Variants in DHX34 observed in about 807,000 individuals in gnomAD.
DHX34 encodes DExH-box helicase 34.
Under a neutral mutation model 111.1 loss-of-function variants are expected in DHX34, and 96 were observed. The ratio of observed to expected loss-of-function variants is 0.86; its 90% CI spans 0.73 to 1.02. The LOEUF is 1.02. DHX34 is among the 50% of genes least tolerant of loss of function. DHX34 has a pLI of 0.00. For synonymous variants in DHX34, 688 were observed against 670.4 expected, an observed-to-expected ratio of 1.03 and a Z score of -0.41; for missense variants, 1,560 against 1,579.9, an observed-to-expected ratio of 0.99 and a Z score of 0.21.
At chr19:47,355,517 A>T (rs1013670187) in intron 3 of DHX34, among the ~76,000 whole-genome samples, 167 bp downstream of exon 3, 1 of 152,118 alleles carries the variant, frequency 6.6e-6, no homozygotes, top group East Asian at 1.9e-4. Flanking sequence ...AGCTGGTTAG[A>T]GTGCTAAGTG....
chr19:47,354,994 C>T (rs2547391), intron 2 of DHX34, 45 bp from the exon 3 acceptor site: 102,421 of 1,595,832 alleles, frequency 0.064, 4,286 homozygotes, highest in African/African-American at 0.19. Context: ...GGGCTGGTAC[C>T]CAGGCTCAGG....
rs1228030450 is a variant in DHX34 at position 47,355,236 on chromosome 19, G to A, written c.903G>A (p.Thr301=). 13 of 1,614,128 alleles carry A rather than the reference G, an allele frequency of 8.1e-6. No individual in the cohort carries two copies. Among genetic ancestry groups the A allele is most frequent in the Non-Finnish European group, 1.0e-5 (12 of 1,180,022 alleles). ...GCGTCCTCCAGCGCCTGTTGCCCAC[G>A]CGGCCTGACCTCAAGGTCATCCTCA... The part of the protein sequence containing the change: ...LLGVLQRLLP[T]RPDLKVILMS... The change falls in exon 3 of 17, where the codon ACG becomes ACA. Residue 301 remains threonine (T), a synonymous_variant. Transcript: ENST00000328771.
At chr19:47,360,130 G>GC in intron 5 of DHX34, 60 bp downstream of exon 5, 1 of 1,544,386 alleles carries the variant, frequency 6.5e-7, no homozygotes, top group Non-Finnish European at 9.0e-7. Flanking sequence ...ATGGGGTCCG[G>GC]AGGTGTGCGT....
intron 5 of DHX34, among the ~76,000 whole-genome samples, chr19:47,360,923 G>A (rs1172730011): frequency 6.6e-6 from 1 of 151,960 alleles, no homozygotes; most frequent in Non-Finnish European, 1.5e-5. Context: ...GCCTGCCTCA[G>A]CCTCCCAAAG....
In DHX34 at chr19:47,358,011, T is replaced by C. The variant is rs748061566; in HGVS notation, c.1163T>C (p.Met388Thr). 1 of 1,613,772 alleles carries C rather than the reference T, an allele frequency of 6.2e-7. No individual in the cohort carries two copies. Among genetic ancestry groups the C allele is most frequent in the Non-Finnish European group, 8.5e-7 (1 of 1,180,044 alleles). ...GACCTCCTCGTCTTCCTCAGCGGCA[T>C]GGCGGAGATCAGCGCCGTGCTGGAG... The part of the protein sequence containing the change: ...RGDLLVFLSG[M>T]AEISAVLEAA... Residue 388 changes from methionine to threonine, a missense_variant, in exon 4 of 17, where the codon ATG becomes ACG. Coordinates refer to ENST00000328771, the MANE Select transcript of DHX34 (RefSeq NM_014681.6).
intron 16 of DHX34, 166 bp from the exon 17 acceptor site, chr19:47,381,814 G>A: frequency 3.1e-6 from 3 of 965,376 alleles, no homozygotes; most frequent in Non-Finnish European, 3.7e-6. Context: ...AGTAAAGACA[G>A]ACCTGTGTAT....
intron 7 of DHX34, among the ~76,000 whole-genome samples, chr19:47,367,567 G>T (rs1969829574): frequency 6.6e-6 from 1 of 152,140 alleles, no homozygotes; most frequent in African/African-American, 2.4e-5. Flanking sequence ...TAGGAGCCAT[G>T]CAAATACTAG....
rs145111206 is a variant in DHX34, at chr19:47,382,213, C to T, written c.*100C>T. 188 of 1,521,710 alleles carry T rather than the reference C, an allele frequency of 1.2e-4. 1 individual carries two copies. In the East Asian group the frequency reaches 4.3e-3, roughly 35 times the overall value. The allele number at this position is 1,521,710 out of a possible 1,614,324, so 94.3% of individuals were successfully genotyped here. Reference sequence around the variant, plus strand: ...CCTGAACCCCCAGCCTGGGCTTAGCCCTGTGGTCCTGTCCCAGTGCAGAGG... The same window carrying T: ...CCTGAACCCCCAGCCTGGGCTTAGCTCTGTGGTCCTGTCCCAGTGCAGAGG... On this transcript the variant is annotated 3_prime_UTR_variant, in exon 17 of 17. Coordinates refer to ENST00000328771, the MANE Select transcript of DHX34 (RefSeq NM_014681.6).
chr19:47,379,327 C>A (rs564555825), intron 13 of DHX34, among the ~76,000 whole-genome samples: 3 of 152,086 alleles, frequency 2.0e-5, no homozygotes, highest in African/African-American at 7.2e-5. Context: ...TTATGAGCCA[C>A]AGCACTGGTA....
At chr19:47,380,132 C>G in intron 14 of DHX34, 147 bp downstream of exon 14, 1 of 1,359,896 alleles carries the variant, frequency 7.4e-7, no homozygotes, top group Non-Finnish European at 9.8e-7. Context: ...GTCACTTACA[C>G]AAGGTCACTC....
At position 47,362,652 on chromosome 19, in the gene DHX34, C is replaced by G. The variant is rs1969670764; in HGVS notation, c.1552C>G (p.Pro518Ala). The G allele has an allele frequency of 6.2e-7, 1 of 1,613,212 alleles. No homozygotes were observed. The highest frequency in any genetic ancestry group is 1.3e-5 in the African/African-American group (1 of 74,904). The change falls in exon 6 of 17, where the codon CCA (proline) becomes GCA (alanine). Residue 518 changes from proline (P) to alanine (A), a missense_variant. Coordinates refer to ENST00000328771, the MANE Select transcript of DHX34 (RefSeq NM_014681.6). ...TGATGCCTTCGCCCCCTACCCCGTC[C>G]CAGAAATTCGGAGGGTGGCCCTGGA... The part of the protein sequence containing the change: ...DYDAFAPYPV[P>A]EIRRVALDSL...
intron 7 of DHX34, among the ~76,000 whole-genome samples, chr19:47,367,426 TG>T (rs1969825480): frequency 3.3e-5 from 5 of 152,044 alleles, no homozygotes; most frequent in African/African-American, 1.2e-4. Context: ...GATCAGATGG[TG>T]CCTAGTGTTC....
chr19:47,377,219 C>T lies in DHX34; in HGVS notation c.2706+13C>T, dbSNP rs1970195858. ...CCCTGCCCTCCAGGTGGGCCTCTGC[C>T]CCACCCCGCCCCCATGCCCAGATAT... is the stretch of plus-strand genomic sequence containing the variant. On this transcript the variant is annotated intron_variant, in intron 13 of 16. Transcript: ENST00000328771. The T allele has an allele frequency of 6.2e-7, 1 of 1,606,326 alleles. No individual in the cohort carries two copies. The highest frequency in any genetic ancestry group is 8.5e-7 in the Non-Finnish European group (1 of 1,176,436).
At chr19:47,379,491 C>A in intron 13 of DHX34, 1 of 749,160 alleles carries the variant, frequency 1.3e-6, no homozygotes, top group Non-Finnish European at 1.6e-6. Flanking sequence ...TCTGCCGCCC[C>A]GCCACCCCAG....
rs147975531 is a variant in DHX34, at chr19:47,363,162, G to A, written c.1593+469G>A. Among the ~76,000 whole-genome samples the A allele has an allele frequency of 7.1e-3, 1,078 of 152,036 alleles. 7 individuals are homozygous for A. The highest frequency in any genetic ancestry group is 0.011 in the Non-Finnish European group (720 of 67,980). ...GTAGAGATGGGGTTACACCATGTTA[G>A]CCAGGATGGTCTTGATTTCCTGACC... is the stretch of plus-strand genomic sequence containing the variant. On this transcript the variant is annotated intron_variant, in intron 6 of 16. Transcript: ENST00000328771.
At chr19:47,354,934 G>A (rs1423647064) in intron 2 of DHX34, 105 bp from the exon 3 acceptor site, 33 of 1,533,932 alleles carry the variant, frequency 2.2e-5, no homozygotes, top group Non-Finnish European at 2.4e-5. Context: ...GATTACAGGC[G>A]TGAGCCACCG....
chr19:47,364,030 C>A (rs114850408), intron 6 of DHX34, among the ~76,000 whole-genome samples: 1 of 152,106 alleles, frequency 6.6e-6, no homozygotes, highest in East Asian at 1.9e-4. Flanking sequence ...TGGCCAACAG[C>A]GGAATGGTGG....
At chr19:47,375,327 T>C (rs978451098) in intron 9 of DHX34, 139 bp from the exon 10 acceptor site, 5 of 1,407,318 alleles carry the variant, frequency 3.6e-6, no homozygotes, top group Non-Finnish European at 4.6e-6. Flanking sequence ...CAGCGATCCA[T>C]GCCCAGCACC....
intron 6 of DHX34, among the ~76,000 whole-genome samples, chr19:47,363,675 G>A (rs948399022): frequency 2.6e-5 from 4 of 152,086 alleles, no homozygotes; most frequent in South Asian, 2.1e-4. Flanking sequence ...AAAATTAGCC[G>A]GGTGTGGTGG....
Sources: allele counts gnomAD v4.1 joint callset (sites outside exome capture counted in the v4.1 genomes callset), GRCh38; gene constraint gnomAD v4.1.1; transcripts MANE v1.5; gene names NCBI Gene and HGNC (gene_info 2026-07-23, HGNC 2026-07-21).